The following AKR1B1 variants were observed in gnomAD, a reference collection of about 807,000 sequenced individuals.
The protein encoded by AKR1B1 is aldo-keto reductase family 1 member B1.
A neutral mutation model predicts 40.4 loss-of-function variants in AKR1B1; 22 were observed. The observed-to-expected ratio is 0.54, with a 90% confidence interval of 0.39 to 0.78. AKR1B1 has a LOEUF of 0.78. Among genes scored for constraint, AKR1B1 ranks in the 30% least tolerant of loss-of-function variants. AKR1B1 has a pLI of 0.00. For synonymous variants in AKR1B1, 157 were observed against 149.9 expected (o/e 1.05, Z -0.35); for missense variants, 357 against 396.7 (o/e 0.90, Z 0.85).
In AKR1B1 at chr7:134,448,399, G is replaced by C; in HGVS notation, c.647C>G (p.Pro216Arg). ...VVTAYSPLGS[P>R]DRPWAKPEDP... ...GTGGGAAGCTCACCAGGGCCTGTCA[G>C]GAGAGCCGAGGGGGCTGTAGGCGGT... Residue 216 changes from proline (P) to arginine (R), a missense_variant, in exon 6 of 10, where the codon CCT (proline) becomes CGT (arginine). By Grantham distance (103) the Pro-to-Arg change is moderately radical. Transcript: ENST00000285930. 1 of 1,613,628 alleles carries C rather than the reference G, an allele frequency of 6.2e-7. No individual in the cohort carries two copies. Among genetic ancestry groups the C allele is most frequent in the Middle Eastern group, 1.7e-4 (1 of 5,978 alleles).
Position 134,449,744 on chromosome 7 carries a change from G to A in AKR1B1, c.405C>T (p.Asp135=). 1 of 1,614,076 alleles carries A rather than the reference G, an allele frequency of 6.2e-7. No individual in the cohort carries two copies. The highest frequency in any genetic ancestry group is 8.5e-7 in the Non-Finnish European group (1 of 1,179,940). Residue 135 remains aspartate, a synonymous_variant, in exon 4 of 10, where the codon GAC becomes GAT. Coordinates refer to ENST00000285930, the MANE Select transcript of AKR1B1 (RefSeq NM_001628.4). ...CCGCCCACGTGTCCAGAATGTTGGT[G>A]TCACTGGGAACCACATTGCCCGACT... The part of the protein sequence containing the change: ...LDESGNVVPS[D]TNILDTWAAM...
Position 134,451,742 on chromosome 7 carries a change from C to A in AKR1B1, c.78G>T (p.Gly26=). 1.2e-6 allele frequency: 2 copies of A among 1,614,092 alleles called. No individual in the cohort carries two copies. Among genetic ancestry groups the A allele is most frequent in the Non-Finnish European group, 1.7e-6 (2 of 1,180,010 alleles). The part of the protein sequence containing the change: ...LGLGTWKSPP[G]QVTEAVKVAI... ...CCACCTTCACGGCCTCAGTCACCTG[C>A]CCTGGAGGGGACTGAAAGGAGAAAG... The change falls in exon 2 of 10, where the codon GGG becomes GGT. Residue 26 remains glycine, a synonymous_variant. Transcript: ENST00000285930.
intron 5 of AKR1B1, 98 bp downstream of exon 5, chr7:134,448,899 C>T: frequency 6.6e-7 from 1 of 1,505,932 alleles, no homozygotes; most frequent in Non-Finnish European, 9.2e-7. Context: ...GGAGCTGCCT[C>T]CTGGCCACTT....
At chr7:134,456,095 C>T (rs553420073) in intron 1 of AKR1B1, among the ~76,000 whole-genome samples, 1 of 152,360 alleles carries the variant, frequency 6.6e-6, no homozygotes, top group Non-Finnish European at 1.5e-5. Flanking sequence ...GGAACTGCAC[C>T]TGCCTGCAGG....
intron 7 of AKR1B1, 64 bp downstream of exon 7, chr7:134,447,916 G>A: frequency 7.1e-7 from 1 of 1,410,622 alleles, no homozygotes. Context: ...CCTCCTCTTG[G>A]CTAACAGGAC....
intron 1 of AKR1B1, among the ~76,000 whole-genome samples, chr7:134,452,405 A>T (rs1032066599): frequency 6.6e-6 from 1 of 152,202 alleles, no homozygotes; most frequent in African/African-American, 2.4e-5. Context: ...GCAGAGAGAA[A>T]TAAGTTAAAG....
rs762334704 is a variant in AKR1B1 at position 134,451,649 on chromosome 7, C to T, written c.171G>A (p.Val57=). Reference sequence around the variant, plus strand: ...GCTCCCTGAGCTTCTCCTGAATGGCCACCCCCACCTCATTCTCATTCTGGT... The same window carrying T: ...GCTCCCTGAGCTTCTCCTGAATGGCTACCCCCACCTCATTCTCATTCTGGT... ...HVYQNENEVG[V]AIQEKLREQV... is the part of the protein sequence containing the mutation. The change falls in exon 2 of 10, where the codon GTG becomes GTA. Residue 57 remains valine, a synonymous_variant. Transcript: ENST00000285930. 1 of 1,614,158 alleles carries T rather than the reference C, an allele frequency of 6.2e-7. No homozygotes were observed. The highest frequency in any genetic ancestry group is 8.5e-7 in the Non-Finnish European group (1 of 1,180,024).
At chr7:134,448,890 G>A in intron 5 of AKR1B1, 107 bp downstream of exon 5, 1 of 1,385,098 alleles carries the variant, frequency 7.2e-7, no homozygotes, top group South Asian at 1.2e-5. Context: ...CAACACCCAG[G>A]AGCTGCCTCC....
intron 7 of AKR1B1, 152 bp downstream of exon 7, chr7:134,447,828 C>T (rs1213964617): frequency 3.4e-5 from 26 of 755,788 alleles, no homozygotes; most frequent in South Asian, 2.8e-4. Context: ...TCTAAAACCC[C>T]GATCTGTGCC....
At chr7:134,447,701 CT>C in intron 7 of AKR1B1, 1 of 610,234 alleles carries the variant, frequency 1.6e-6, no homozygotes, top group Non-Finnish European at 2.9e-6. Flanking sequence ...CGGCTAAGAG[CT>C]CTTACATTTG....
At chr7:134,450,314 T>G (rs953907866) in intron 3 of AKR1B1, among the ~76,000 whole-genome samples, 1 of 152,176 alleles carries the variant, frequency 6.6e-6, no homozygotes, top group African/African-American at 2.4e-5. Context: ...ACTCTCAAGT[T>G]CTTCTTGTGC....
At chr7:134,443,002 T>TC (rs1331724725) in intron 9 of AKR1B1, among the ~76,000 whole-genome samples, 3 of 152,078 alleles carry the variant, frequency 2.0e-5, no homozygotes, top group African/African-American at 4.8e-5. Flanking sequence ...GACACCACCC[T>TC]CCCCATGTGC....
chr7:134,458,182 C>A (rs1274010941), intron 1 of AKR1B1, among the ~76,000 whole-genome samples: 1 of 151,888 alleles, frequency 6.6e-6, no homozygotes, highest in Non-Finnish European at 1.5e-5. Flanking sequence ...ATCATATTAT[C>A]ATTTTTCATA....
chr7:134,447,241 C>G, intron 8 of AKR1B1, 57 bp downstream of exon 8: 1 of 1,417,414 alleles, frequency 7.1e-7, no homozygotes, highest in South Asian at 1.1e-5. Flanking sequence ...GGATGAGAGG[C>G]CTCCCCCATC....
At chr7:134,450,761 C>T in intron 3 of AKR1B1, 25 bp downstream of exon 3, 1 of 1,593,348 alleles carries the variant, frequency 6.3e-7, no homozygotes, top group South Asian at 1.1e-5. Context: ...CCCAAGGGAC[C>T]TGGTCTGCAC....
chr7:134,450,026 A>T (rs1806236425), intron 3 of AKR1B1, among the ~76,000 whole-genome samples: 1 of 152,226 alleles, frequency 6.6e-6, no homozygotes, highest in Non-Finnish European at 1.5e-5. Context: ...CACAGAGACT[A>T]GCCCCGCCAC....
At chr7:134,454,243 G>A (rs994608991) in intron 1 of AKR1B1, among the ~76,000 whole-genome samples, 6 of 152,304 alleles carry the variant, frequency 3.9e-5, no homozygotes, top group African/African-American at 1.4e-4. Flanking sequence ...AAAGCTCTAC[G>A]TTGGGCAGTG....
Position 134,451,630 on chromosome 7 carries a change from T to G in AKR1B1, c.190A>C (p.Arg64=), listed in dbSNP as rs903237372. The change falls in exon 2 of 10, where the codon AGG becomes CGG. Residue 64 remains arginine (R), a synonymous_variant. Transcript: ENST00000285930. ...TCCTCACGCTTCACCACCTGCTCCC[T>G]GAGCTTCTCCTGAATGGCCACCCCC... ...EVGVAIQEKL[R]EQVVKREELF... is the part of the protein sequence containing the mutation. 5 of 1,614,170 alleles carry G rather than the reference T, an allele frequency of 3.1e-6. No individual in the cohort carries two copies. Among genetic ancestry groups the G allele is most frequent in the Non-Finnish European group, 4.2e-6 (5 of 1,180,010 alleles).
At chr7:134,457,705 T>C (rs1008105394) in intron 1 of AKR1B1, among the ~76,000 whole-genome samples, 2 of 152,116 alleles carry the variant, frequency 1.3e-5, no homozygotes, top group Non-Finnish European at 1.5e-5. Flanking sequence ...TATTCAAATT[T>C]TAAGAGAAAA....
Sources: gnomAD v4.1 joint callset for allele counts (sites outside exome capture counted in the v4.1 genomes callset) on GRCh38, gnomAD v4.1.1 for gene constraint, MANE v1.5 for transcripts, NCBI Gene and HGNC (gene_info 2026-07-23, HGNC 2026-07-21) for gene names.